Variants in PLEKHG6 observed in about 807,000 individuals in gnomAD.
PLEKHG6 encodes pleckstrin homology domain-containing family G member 6.
In PLEKHG6, 91 loss-of-function variants were observed where a neutral mutation model predicts 97.5. The ratio of observed to expected loss-of-function variants is 0.93; its 90% CI spans 0.79 to 1.11. PLEKHG6 has a LOEUF of 1.11. Among genes scored for constraint, PLEKHG6 ranks in the 50% most tolerant of loss-of-function variants. The probability of loss-of-function intolerance (pLI) is 0.00; values close to 1 mark genes in which losing one functional copy is unlikely to be tolerated. For synonymous variants in PLEKHG6, 466 were observed against 425.5 expected (o/e 1.10, Z -1.17); for missense variants, 1,044 against 1,031.0 (o/e 1.01, Z -0.17).
chr12:6,315,241 G>C lies in PLEKHG6; in HGVS notation c.459+72G>C. 6.9e-7 allele frequency: 1 copy of C among 1,449,052 alleles called. No individual in the cohort carries two copies. Among genetic ancestry groups the C allele is most frequent in the Non-Finnish European group, 9.3e-7 (1 of 1,071,216 alleles). 89.8% of individuals were successfully genotyped at this position (1,449,052 alleles called of 1,614,324 possible). On this transcript the variant is annotated intron_variant, in intron 4 of 15. Transcript: ENST00000684764. The surrounding 1 kb of genome is among the most constrained non-coding windows in gnomAD (Gnocchi z 4.5). Reference sequence around the variant, plus strand: ...CACACACAGATTCTGCTCTAGAGGAGGGAAAGGCCTTGGGAAGTGGGGTCA... The same window carrying C: ...CACACACAGATTCTGCTCTAGAGGACGGAAAGGCCTTGGGAAGTGGGGTCA...
In PLEKHG6 at chr12:6,316,281, T is replaced by C. The variant is rs373186526; in HGVS notation, c.633T>C (p.Asn211=). 16 of 1,554,438 alleles carry C rather than the reference T, an allele frequency of 1.0e-5. No individual in the cohort carries two copies. Among genetic ancestry groups the C allele is most frequent in the Middle Eastern group, 1.7e-4 (1 of 5,990 alleles). Residue 211 remains asparagine (N), a synonymous_variant, in exon 7 of 16, where the codon AAT becomes AAC. Transcript: ENST00000684764. The surrounding 1 kb of genome is among the most constrained non-coding windows in gnomAD (Gnocchi z 4.1). ...TGTCAGCTGAGACCCTGTTTGGAAA[T>C]GTCCCCAGCCTGATTCGAACCCACC... ...MEVSAETLFG[N]VPSLIRTHRS... is the part of the protein sequence containing the mutation.
intron 7 of PLEKHG6, among the ~76,000 whole-genome samples, 170 bp from the exon 8 acceptor site, chr12:6,317,133 G>A (rs1947494258): frequency 6.6e-6 from 1 of 152,238 alleles, no homozygotes; most frequent in African/African-American, 2.4e-5. Context: ...AGAAAGGGGC[G>A]TAGCCTCGAG....
chr12:6,317,178 G>C (rs1280592971), intron 7 of PLEKHG6, 125 bp from the exon 8 acceptor site: 4 of 646,718 alleles, frequency 6.2e-6, no homozygotes, highest in African/African-American at 1.8e-5. Flanking sequence ...GGGAGGGACT[G>C]TCAGGAGCTG....
At position 6,316,362 on chromosome 12, in the gene PLEKHG6, C is replaced by T. The variant is rs1274560637; in HGVS notation, c.714C>T (p.Gly238=). The change falls in exon 7 of 16, where the codon GGC becomes GGT. Residue 238 remains glycine, a synonymous_variant. Transcript: ENST00000684764. This position sits in a 1 kb window ranked among gnomAD's most constrained non-coding sequence, Gnocchi z 4.1. ...CCCTGGAGGAGACTCGGGCCTCGGG[C>T]CAGCCTCTGGACCCCATTGGTCTGC... is the stretch of plus-strand genomic sequence containing the variant. ...GPTLEETRAS[G]QPLDPIGLQS... is the part of the protein sequence containing the mutation. 5 of 1,568,496 alleles carry T rather than the reference C, an allele frequency of 3.2e-6. No individual in the cohort carries two copies. In the East Asian group the frequency reaches 1.2e-4, roughly 37 times the overall value.
chr12:6,312,723 T>C, intron 2 of PLEKHG6: 1 of 1,161,126 alleles, frequency 8.6e-7, no homozygotes, highest in Admixed American at 4.5e-5. Flanking sequence ...TCCTGAGATC[T>C]GCCTCTCCCT....
chr12:6,321,773 G>T, intron 13 of PLEKHG6, among the ~76,000 whole-genome samples: 1 of 142,898 alleles, frequency 7.0e-6, no homozygotes, highest in African/African-American at 2.7e-5. Flanking sequence ...CTTGCAGTGA[G>T]CCGAGATCGC....
At chr12:6,312,812 TTGGCTCCACCCC>T (rs1947321082) in intron 2 of PLEKHG6, 1 of 1,235,140 alleles carries the variant, frequency 8.1e-7, no homozygotes, top group Non-Finnish European at 1.0e-6. Flanking sequence ...GGTGCCTGCC[TTGGCTCCACCCC>T]TGGCTCCACC....
Position 6,326,045 on chromosome 12 carries a change from A to G in PLEKHG6, c.1525-383A>G, listed in dbSNP as rs549237285. Among the ~76,000 whole-genome samples the G allele has an allele frequency of 2.8e-3, 421 of 152,186 alleles. 2 individuals are homozygous for G. The highest frequency in any genetic ancestry group is 5.1e-3 in the Non-Finnish European group (348 of 68,000). On this transcript the variant is annotated intron_variant, in intron 13 of 15. Coordinates refer to ENST00000684764, the MANE Select transcript of PLEKHG6 (RefSeq NM_001384598.1). Reference sequence around the variant, plus strand: ...ATGTAGGCCGGGCACGGTGGCTTACACGTCTAATTCCAGCACTTTGGGAGG... The same window carrying G: ...ATGTAGGCCGGGCACGGTGGCTTACGCGTCTAATTCCAGCACTTTGGGAGG...
In PLEKHG6 at chr12:6,314,995, G is replaced by A; in HGVS notation, c.295-10G>A. The A allele has an allele frequency of 1.2e-6, 2 of 1,611,536 alleles. No homozygotes were observed. The highest frequency in any genetic ancestry group is 1.7e-6 in the Non-Finnish European group (2 of 1,178,760). On this transcript the variant is annotated splice_polypyrimidine_tract_variant and intron_variant, in intron 3 of 15. Transcript: ENST00000684764. ...GTGACCAGAGCTGATGCCCTTCTCGGCTCCCCCAGGAACTCACCAAGGCCC... is the reference window on the plus strand; with the variant it reads ...GTGACCAGAGCTGATGCCCTTCTCGACTCCCCCAGGAACTCACCAAGGCCC...
At position 6,316,253 on chromosome 12, in the gene PLEKHG6, A is replaced by C. The variant is rs1284723464; in HGVS notation, c.607-2A>C. ...GCTGCTCAGCTCTGCTCCCTCCTCC[A>C]GGTGTCAGCTGAGACCCTGTTTGGA... On this transcript the variant is annotated splice_acceptor_variant, in intron 6 of 15. Transcript: ENST00000684764. LOFTEE classifies it high-confidence loss of function. This position sits in a 1 kb window ranked among gnomAD's most constrained non-coding sequence, Gnocchi z 4.1. 6.5e-7 allele frequency: 1 copy of C among 1,550,174 alleles called. No individual in the cohort carries two copies. Among genetic ancestry groups the C allele is most frequent in the South Asian group, 1.2e-5 (1 of 83,606 alleles).
Position 6,316,259 on chromosome 12 carries a change from C to T in PLEKHG6, c.611C>T (p.Ser204Leu). The part of the protein sequence containing the change: ...LQRVGLLMEV[S>L]AETLFGNVPS... ...CAGCTCTGCTCCCTCCTCCAGGTGT[C>T]AGCTGAGACCCTGTTTGGAAATGTC... is the stretch of plus-strand genomic sequence containing the variant. Residue 204 changes from serine (S) to leucine (L), a missense_variant, in exon 7 of 16, where the codon TCA becomes TTA. Transcript: ENST00000684764. This position sits in a 1 kb window ranked among gnomAD's most constrained non-coding sequence, Gnocchi z 4.1. 1 of 1,551,662 alleles carries T rather than the reference C, an allele frequency of 6.4e-7. No homozygotes were observed. Among genetic ancestry groups the T allele is most frequent in the Non-Finnish European group, 8.7e-7 (1 of 1,146,468 alleles).
intron 14 of PLEKHG6, 142 bp from the exon 15 acceptor site, chr12:6,327,112 G>A (rs1222069870): frequency 1.6e-6 from 1 of 620,504 alleles, no homozygotes; most frequent in African/African-American, 1.8e-5. Context: ...CCAGCCAGAT[G>A]AGAAAAACAA....
rs762987766 is a variant in PLEKHG6, at chr12:6,327,613, G to C, written c.2030G>C (p.Arg677Pro). 2.5e-6 allele frequency: 4 copies of C among 1,578,750 alleles called. No homozygotes were observed. Among genetic ancestry groups the C allele is most frequent in the Middle Eastern group, 1.7e-4 (1 of 6,030 alleles). ...GAGGAAGAAGATGGGGCCTCCGAGC[G>C]AGGGAATGTGGTGGTGGAAACACTC... ...WSEEEDGASE[R>P]GNVVVETLHR... The change falls in exon 15 of 16, where the codon CGA (arginine) becomes CCA (proline). Residue 677 changes from arginine to proline, a missense_variant. Physicochemically the swap from Arg to Pro is moderately radical, Grantham distance 103 (BLOSUM62 -2). Coordinates refer to ENST00000684764, the MANE Select transcript of PLEKHG6 (RefSeq NM_001384598.1).
chr12:6,313,954 A>G (rs1180948090), intron 3 of PLEKHG6, among the ~76,000 whole-genome samples, 170 bp downstream of exon 3: 8 of 152,244 alleles, frequency 5.3e-5, no homozygotes, highest in African/African-American at 1.7e-4. Context: ...TCTTTGGTCC[A>G]TGCATGGCAA....
rs774691815 is a variant in PLEKHG6 at position 6,316,339 on chromosome 12, C to T, written c.691C>T (p.Leu231=). The T allele has an allele frequency of 1.7e-5, 26 of 1,563,050 alleles. No individual in the cohort carries two copies. The Middle Eastern group carries it at 1.7e-3, about 100-fold the overall frequency. Residue 231 remains leucine, a synonymous_variant, in exon 7 of 16, where the codon CTG becomes TTG. Coordinates refer to ENST00000684764, the MANE Select transcript of PLEKHG6 (RefSeq NM_001384598.1). This position sits in a 1 kb window ranked among gnomAD's most constrained non-coding sequence, Gnocchi z 4.1. ...TTGGGATGAGGTGCTGGGGCCCACC[C>T]TGGAGGAGACTCGGGCCTCGGGCCA... ...SFWDEVLGPT[L]EETRASGQPL...
chr12:6,326,590 CTA>C lies in PLEKHG6; in HGVS notation c.1670+18_1670+19del. On this transcript the variant is annotated intron_variant, in intron 14 of 15. Coordinates refer to ENST00000684764, the MANE Select transcript of PLEKHG6 (RefSeq NM_001384598.1). ...AGAGGGGAGGTAAGGCTCACACGGACTACAAGGTCTCCCCGAGCAGGAGGAGG... is the reference window on the plus strand; with the variant it reads ...AGAGGGGAGGTAAGGCTCACACGGACCAAGGTCTCCCCGAGCAGGAGGAGG... 1.4e-6 allele frequency: 2 copies of C among 1,447,286 alleles called. No homozygotes were observed. 89.7% of individuals were successfully genotyped at this position (1,447,286 alleles called of 1,614,324 possible).
At chr12:6,321,131 C>T (rs1288187079) in intron 13 of PLEKHG6, among the ~76,000 whole-genome samples, 1 of 152,086 alleles carries the variant, frequency 6.6e-6, no homozygotes, top group African/African-American at 2.4e-5. Context: ...GTGAGTCTCC[C>T]AGCTTAGCCT....
intron 1 of PLEKHG6, among the ~76,000 whole-genome samples, chr12:6,311,321 C>G (rs1207740746): frequency 2.0e-5 from 3 of 152,258 alleles, no homozygotes; most frequent in Non-Finnish European, 1.5e-5. Flanking sequence ...ATATATAGCC[C>G]GAAACTGGAG....
chr12:6,327,696 G>A lies in PLEKHG6; in HGVS notation c.2113G>A (p.Gly705Arg), dbSNP rs763403215. Reference protein sequence around the residue: ...PSSPTHADSAGESPWESSGEE... With the variant: ...PSSPTHADSARESPWESSGEE... ...CTCCCCAACCCATGCTGACTCTGCCGGGGAAAGCCCCTGGGAGTCCTCAGG... is the reference window on the plus strand; with the variant it reads ...CTCCCCAACCCATGCTGACTCTGCCAGGGAAAGCCCCTGGGAGTCCTCAGG... Residue 705 changes from glycine (G) to arginine (R), a missense_variant, in exon 15 of 16, where the codon GGG becomes AGG. Physicochemically the swap from Gly to Arg is moderately radical, Grantham distance 125. Coordinates refer to ENST00000684764, the MANE Select transcript of PLEKHG6 (RefSeq NM_001384598.1). 22 of 1,561,130 alleles carry A rather than the reference G, an allele frequency of 1.4e-5. No individual in the cohort carries two copies. The highest frequency in any genetic ancestry group is 8.2e-5 in the African/African-American group (6 of 73,064).
Sources: gnomAD v4.1 joint callset for allele counts (sites outside exome capture counted in the v4.1 genomes callset) on GRCh38, gnomAD v4.1.1 for gene constraint, Gnocchi (gnomAD v3.1) non-coding constraint, MANE v1.5 for transcripts, NCBI Gene and HGNC (gene_info 2026-07-23, HGNC 2026-07-21) for gene names.